Variants in TSHZ2 observed in about 807,000 individuals in gnomAD.
TSHZ2 encodes the protein teashirt zinc finger homeobox 2, also known as teashirt homolog 2.
TSHZ2 carries 21 observed loss-of-function variants against 74.4 expected under a neutral mutation model. The observed-to-expected ratio is 0.28, with a 90% CI of 0.20 to 0.41. The LOEUF (loss-of-function observed/expected upper bound fraction) is 0.41, where lower values mean the gene tolerates loss of function less well. Among genes scored for constraint, TSHZ2 ranks in the 10% least tolerant of loss-of-function variants. TSHZ2 has a pLI of 1.00. For missense variants in TSHZ2, 1,244 were observed against 1,293.5 expected (o/e 0.96, Z 0.59); for synonymous variants, 540 against 515.3 (o/e 1.05, Z -0.65).
At chr20:53,087,508 C>G (rs1323565044) in intron 1 of TSHZ2, among the ~76,000 whole-genome samples, 1 of 152,156 alleles carries the variant, frequency 6.6e-6, no homozygotes, top group Non-Finnish European at 1.5e-5. Context: ...TTTGAAAGAC[C>G]ATGGACCAAA....
At chr20:53,158,156 G>T (rs1987840924) in intron 1 of TSHZ2, among the ~76,000 whole-genome samples, 1 of 152,194 alleles carries the variant, frequency 6.6e-6, no homozygotes, top group African/African-American at 2.4e-5. Flanking sequence ...AGACCCGGAA[G>T]TCACCATGGG....
At chr20:53,006,018 G>C (rs1051747671) in intron 1 of TSHZ2, among the ~76,000 whole-genome samples, 2 of 152,042 alleles carry the variant, frequency 1.3e-5, no homozygotes, top group African/African-American at 4.8e-5. Flanking sequence ...TCTTTTTTGT[G>C]ACACACACAC....
rs780372638 is a variant in TSHZ2, at chr20:53,253,597, G to A, written c.139G>A (p.Asp47Asn). 6 of 1,614,164 alleles carry A rather than the reference G, an allele frequency of 3.7e-6. No individual in the cohort carries two copies. In the South Asian group the frequency reaches 4.4e-5, roughly 12 times the overall value. The stretch of plus-strand genomic sequence containing the variant: ...AGTAGCTCAACTGCAGGGTGGCAAT[G>A]ACACAGGGACGGACGAGGAGCTAGA... The part of the protein sequence containing the change: ...GSVAQLQGGN[D>N]TGTDEELETG... Residue 47 changes from aspartate to asparagine, a missense_variant, in exon 2 of 3, where the codon GAC becomes AAC. Coordinates refer to ENST00000371497, the MANE Select transcript of TSHZ2 (RefSeq NM_173485.6).
rs981363733 is a variant in TSHZ2, at chr20:53,123,253, C to T, written c.41-130246C>T. ...TGCTCCATAACCAAAACCTCCAAAT[C>T]TCAGTGCCATAAACTTTAACATTTT... On this transcript the variant is annotated intron_variant, in intron 1 of 2. Coordinates refer to ENST00000371497, the MANE Select transcript of TSHZ2 (RefSeq NM_173485.6). Among the ~76,000 whole-genome samples the T allele has an allele frequency of 6.6e-5, 10 of 152,236 alleles. No homozygotes were observed. The East Asian group carries it at 1.9e-3, about 29-fold the overall frequency.
At chr20:53,305,085 T>A (rs1371680172) in intron 2 of TSHZ2, among the ~76,000 whole-genome samples, 1 of 151,004 alleles carries the variant, frequency 6.6e-6, no homozygotes, top group Non-Finnish European at 1.5e-5. Flanking sequence ...GCAGGTGCCC[T>A]CCACCACGCC....
chr20:53,255,844 G>A lies in TSHZ2; in HGVS notation c.2386G>A (p.Ala796Thr), dbSNP rs774750602. 31 of 1,611,344 alleles carry A rather than the reference G, an allele frequency of 1.9e-5. No individual in the cohort carries two copies. Among genetic ancestry groups the A allele is most frequent in the South Asian group, 4.4e-5 (4 of 90,682 alleles). ...TCAGAAGCACGCTCTGTCTGACATC[G>A]CCGACATGGTCAAAGTCCTCCCCAA... is the stretch of plus-strand genomic sequence containing the variant. ...PPQKHALSDI[A>T]DMVKVLPKAT... Residue 796 changes from alanine to threonine, a missense_variant, in exon 2 of 3, where the codon GCC becomes ACC. Physicochemically the swap from Ala to Thr is moderately conservative, Grantham distance 58 (BLOSUM62 0). Transcript: ENST00000371497. The surrounding 1 kb of genome is among the most constrained non-coding windows in gnomAD (Gnocchi z 4.1).
At chr20:53,272,155 G>A (rs894934235) in intron 2 of TSHZ2, among the ~76,000 whole-genome samples, 20 of 152,162 alleles carry the variant, frequency 1.3e-4, no homozygotes, top group African/African-American at 4.8e-4. Flanking sequence ...GGGATTACAG[G>A]CACGCACCAC....
At chr20:53,201,094 G>A (rs1042491234) in intron 1 of TSHZ2, among the ~76,000 whole-genome samples, 3 of 152,102 alleles carry the variant, frequency 2.0e-5, no homozygotes, top group African/African-American at 7.2e-5. Context: ...TATAGCTGGG[G>A]TAGGGACTTT....
chr20:53,164,649 C>G (rs913531320), intron 1 of TSHZ2, among the ~76,000 whole-genome samples: 3 of 152,038 alleles, frequency 2.0e-5, no homozygotes, highest in African/African-American at 7.3e-5. Context: ...ATTTTAAATG[C>G]CCACATGGAG....
intron 2 of TSHZ2, among the ~76,000 whole-genome samples, chr20:53,342,822 T>A (rs1980263145): frequency 6.6e-6 from 1 of 152,118 alleles, no homozygotes; most frequent in African/African-American, 2.4e-5. Context: ...CCTTCTGCTG[T>A]GGAACATCTA....
chr20:53,226,119 AACACACACACAC>A (rs11470731), intron 1 of TSHZ2, among the ~76,000 whole-genome samples: 6,497 of 147,604 alleles, frequency 0.044, 460 homozygotes, highest in African/African-American at 0.15. Flanking sequence ...GACTAAATTT[AACACACACACAC>A]ACACACACAC....
chr20:53,416,838 T>C (rs962588517), intron 2 of TSHZ2, among the ~76,000 whole-genome samples: 4 of 152,226 alleles, frequency 2.6e-5, no homozygotes, highest in African/African-American at 9.6e-5. Context: ...TTGGATTGCA[T>C]CCCCAAATGT....
At chr20:53,262,092 T>A (rs1005889358) in intron 2 of TSHZ2, among the ~76,000 whole-genome samples, 1 of 152,152 alleles carries the variant, frequency 6.6e-6, no homozygotes, top group African/African-American at 2.4e-5. Flanking sequence ...GGATTTTTTT[T>A]TAAGGCCTCT....
Position 53,371,220 on chromosome 20 carries a change from G to A in TSHZ2, c.*8+114649G>A, listed in dbSNP as rs573255895. Reference sequence around the variant, plus strand: ...GGTCAGGACTTGAGCCTGTGTTCTTGGGAGGACAGAATTCAAGCCACCATG... The same window carrying A: ...GGTCAGGACTTGAGCCTGTGTTCTTAGGAGGACAGAATTCAAGCCACCATG... On this transcript the variant is annotated intron_variant, in intron 2 of 2. Transcript: ENST00000371497. Among the ~76,000 whole-genome samples, 163 of 152,270 alleles carry A rather than the reference G, an allele frequency of 1.1e-3. No homozygotes were observed. In the Middle Eastern group the frequency reaches 0.024, roughly 22 times the overall value.
At chr20:53,233,318 A>G (rs376436857) in intron 1 of TSHZ2, among the ~76,000 whole-genome samples, 9 of 152,364 alleles carry the variant, frequency 5.9e-5, no homozygotes, top group Admixed American at 6.5e-5. Flanking sequence ...TCAAGAATTT[A>G]ACAATTACAC....
intron 2 of TSHZ2, among the ~76,000 whole-genome samples, chr20:53,314,877 C>T (rs1978936585): frequency 6.6e-6 from 1 of 152,184 alleles, no homozygotes; most frequent in Non-Finnish European, 1.5e-5. Flanking sequence ...CTGCCTCAGC[C>T]TCCCAAAGTC....
chr20:53,263,506 C>T (rs1325940249), intron 2 of TSHZ2, among the ~76,000 whole-genome samples: 1 of 152,200 alleles, frequency 6.6e-6, no homozygotes, highest in African/African-American at 2.4e-5. Flanking sequence ...AAAGAAGTAG[C>T]AAATCCAGAT....
intron 2 of TSHZ2, among the ~76,000 whole-genome samples, chr20:53,367,165 G>C (rs1981292986): frequency 6.6e-6 from 1 of 152,112 alleles, no homozygotes; most frequent in Admixed American, 6.5e-5. Context: ...GGAGGCTGAG[G>C]TGAGCGGATC....
chr20:53,138,454 A>G (rs1409480158), intron 1 of TSHZ2, among the ~76,000 whole-genome samples: 1 of 151,968 alleles, frequency 6.6e-6, no homozygotes, highest in Non-Finnish European at 1.5e-5. Context: ...AGTCACCTTA[A>G]GGTCTGCCTA....
Sources: gnomAD v4.1 joint callset for allele counts (sites outside exome capture counted in the v4.1 genomes callset) on GRCh38, gnomAD v4.1.1 for gene constraint, Gnocchi (gnomAD v3.1) non-coding constraint, MANE v1.5 for transcripts, NCBI Gene and HGNC (gene_info 2026-07-23, HGNC 2026-07-21) for gene names.